BIRC6: variants seen among roughly 807,000 people sequenced by gnomAD.
The protein encoded by BIRC6 is dual E2 ubiquitin-conjugating enzyme/E3 ubiquitin-protein ligase BIRC6.
In BIRC6, 98 loss-of-function variants were observed where a neutral mutation model predicts 503.3. The observed-to-expected ratio is 0.19, with a 90% CI of 0.17 to 0.23. The LOEUF (loss-of-function observed/expected upper bound fraction) is 0.23, where lower values mean the gene tolerates loss of function less well. Ranked by LOEUF, BIRC6 falls within the 10% of genes least tolerant of loss-of-function variation. BIRC6 has a pLI of 1.00. For missense variants in BIRC6, 5,360 were observed against 5,806.0 expected, an observed-to-expected ratio of 0.92 and a Z score of 2.50; for synonymous variants, 2,240 against 2,078.7, an observed-to-expected ratio of 1.08 and a Z score of -2.11.
Position 32,464,732 on chromosome 2 carries a change from C to G in BIRC6, c.5165C>G (p.Ala1722Gly). 6.2e-7 allele frequency: 1 copy of G among 1,613,990 alleles called. No homozygotes were observed. Among genetic ancestry groups the G allele is most frequent in the East Asian group, 2.2e-5 (1 of 44,882 alleles). The change falls in exon 25 of 74, where the codon GCC becomes GGC. Residue 1722 changes from alanine to glycine, a missense_variant. Transcript: ENST00000421745. Reference protein sequence around the residue: ...PNEAVSVVINAELAQLFPGSV... With the variant: ...PNEAVSVVINGELAQLFPGSV... ...GAAGCAGTTTCCGTTGTGATTAATG[C>G]CGAACTTGCACAGCTTTTCCCAGGC...
intron 72 of BIRC6, 65 bp downstream of exon 72, chr2:32,607,708 T>C: frequency 1.4e-6 from 2 of 1,380,064 alleles, no homozygotes; most frequent in East Asian, 4.8e-5. Context: ...CTGGGCATGG[T>C]GGCTCATGCC....
chr2:32,483,378 A>G (rs1173592258), intron 39 of BIRC6, among the ~76,000 whole-genome samples: 3 of 152,222 alleles, frequency 2.0e-5, no homozygotes, highest in Non-Finnish European at 2.9e-5. Context: ...AATGCGGAGA[A>G]TGTTTATTCT....
chr2:32,552,789 C>A (rs2058511753), intron 65 of BIRC6, among the ~76,000 whole-genome samples: 1 of 151,466 alleles, frequency 6.6e-6, no homozygotes, highest in South Asian at 2.1e-4. Context: ...AGAGGGAAAC[C>A]CTGTCTCAAA....
At chr2:32,552,944 T>A (rs1423517011) in intron 65 of BIRC6, among the ~76,000 whole-genome samples, 1 of 149,436 alleles carries the variant, frequency 6.7e-6, no homozygotes, top group East Asian at 1.9e-4. Context: ...CTGAAAACAA[T>A]CCATATTTAA....
chr2:32,382,399 C>T (rs2037802760), intron 3 of BIRC6, among the ~76,000 whole-genome samples: 1 of 152,244 alleles, frequency 6.6e-6, no homozygotes, highest in Non-Finnish European at 1.5e-5. Context: ...GAATCAACTA[C>T]TGCATCATGT....
chr2:32,491,375 C>T, intron 43 of BIRC6, 50 bp from the exon 44 acceptor site: 2 of 1,498,334 alleles, frequency 1.3e-6, no homozygotes, highest in South Asian at 2.7e-5. Flanking sequence ...ACTGCATTTC[C>T]ATTATTTCAT....
intron 50 of BIRC6, 23 bp downstream of exon 50, chr2:32,505,228 G>A (rs1156349481): frequency 2.7e-6 from 4 of 1,506,176 alleles, no homozygotes; most frequent in Admixed American, 3.9e-5. Flanking sequence ...TTATAAAGAA[G>A]CATCATGAGA....
At chr2:32,373,497 T>G (rs2036273387) in intron 1 of BIRC6, among the ~76,000 whole-genome samples, 1 of 152,210 alleles carries the variant, frequency 6.6e-6, no homozygotes, top group Non-Finnish European at 1.5e-5. Context: ...GACAATCTTT[T>G]CAACAAATGT....
At position 32,383,160 on chromosome 2, in the gene BIRC6, C is replaced by T. The variant is rs559165029; in HGVS notation, c.645+2870C>T. Among the ~76,000 whole-genome samples, 11 of 152,066 alleles carry T rather than the reference C, an allele frequency of 7.2e-5. No homozygotes were observed. In the South Asian group the frequency reaches 1.5e-3, roughly 20 times the overall value. On this transcript the variant is annotated intron_variant, in intron 3 of 73. Coordinates refer to ENST00000421745, the MANE Select transcript of BIRC6 (RefSeq NM_016252.4). Reference sequence around the variant, plus strand: ...CTCCTGGGTTCAGGTGGTTCTCCTGCCTCAGCCTCCCGAGTAGCTGCGATT... The same window carrying T: ...CTCCTGGGTTCAGGTGGTTCTCCTGTCTCAGCCTCCCGAGTAGCTGCGATT...
intron 3 of BIRC6, among the ~76,000 whole-genome samples, chr2:32,384,916 C>T (rs2038223056): frequency 6.6e-6 from 1 of 152,318 alleles, no homozygotes. Flanking sequence ...TTTTTACCCT[C>T]TGAGAGTTCT....
intron 23 of BIRC6, among the ~76,000 whole-genome samples, chr2:32,460,273 T>TATATATATATATATATATATA (rs1491408691): frequency 5.9e-5 from 1 of 16,868 alleles, no homozygotes; most frequent in African/African-American, 2.5e-4. Context: ...TATATATATA[T>TATATATATATATATATATATA]TTTTTTTTTT....
rs978140841 is a variant in BIRC6 at position 32,499,493 on chromosome 2, T to C, written c.8469-54T>C. 4 of 1,397,234 alleles carry C rather than the reference T, an allele frequency of 2.9e-6. No individual in the cohort carries two copies. In the African/African-American group the frequency reaches 5.8e-5, roughly 20 times the overall value. 86.6% of individuals were successfully genotyped at this position (1,397,234 alleles called of 1,614,324 possible). ...TCGTTTAATTTTTAATCCTTTCTCT[T>C]GTTGTATCTCTCTCTCTCTCTCTTT... On this transcript the variant is annotated intron_variant, in intron 45 of 73. Transcript: ENST00000421745.
chr2:32,557,673 G>A (rs772654749), intron 65 of BIRC6: 15 of 152,226 alleles, frequency 9.9e-5, no homozygotes, highest in Non-Finnish European at 1.9e-4. Context: ...GCCAGGTTTT[G>A]CCCTGAATGC....
intron 8 of BIRC6, among the ~76,000 whole-genome samples, chr2:32,403,160 A>G (rs1020915778): frequency 6.6e-6 from 1 of 152,172 alleles, no homozygotes; most frequent in Non-Finnish European, 1.5e-5. Context: ...CCTAACCTTA[A>G]GCCCCCTCTC....
At chr2:32,425,932 A>C (rs1359116791) in intron 10 of BIRC6, among the ~76,000 whole-genome samples, 2 of 152,222 alleles carry the variant, frequency 1.3e-5, no homozygotes, top group Admixed American at 1.3e-4. Flanking sequence ...CAGCTGTGTC[A>C]GGGCTGAGTA....
At chr2:32,567,599 G>A (rs116607369) in intron 65 of BIRC6, among the ~76,000 whole-genome samples, 13 of 152,298 alleles carry the variant, frequency 8.5e-5, no homozygotes, top group Non-Finnish European at 1.5e-4. Flanking sequence ...GGGATAATGG[G>A]AAAAGCACTA....
intron 21 of BIRC6, among the ~76,000 whole-genome samples, chr2:32,446,566 T>C (rs1231362484): frequency 2.6e-5 from 4 of 152,062 alleles, no homozygotes; most frequent in African/African-American, 9.7e-5. Context: ...TGGTGCCTGA[T>C]ACCCCTCGCT....
At chr2:32,482,900 A>C (rs1030796759) in intron 39 of BIRC6, among the ~76,000 whole-genome samples, 1 of 152,002 alleles carries the variant, frequency 6.6e-6, no homozygotes, top group Non-Finnish European at 1.5e-5. Flanking sequence ...AAACTACATT[A>C]AATAAGTATT....
intron 57 of BIRC6, chr2:32,522,812 A>G (rs1227088413): frequency 1.3e-5 from 2 of 152,188 alleles, no homozygotes; most frequent in African/African-American, 2.4e-5. Context: ...TCGTCAGTAC[A>G]TGTTGAAGTC....
Sources: allele counts gnomAD v4.1 joint callset (sites outside exome capture counted in the v4.1 genomes callset), GRCh38; gene constraint gnomAD v4.1.1; transcripts MANE v1.5; gene names NCBI Gene and HGNC (gene_info 2026-07-23, HGNC 2026-07-21).